Variants in KANK3 observed in about 807,000 individuals in gnomAD.
KANK3 encodes KN motif and ankyrin repeat domain-containing protein 3.
KANK3 carries 61 observed loss-of-function variants against 65.4 expected under a neutral mutation model. The ratio of observed to expected loss-of-function variants is 0.93; its 90% CI spans 0.76 to 1.15. The LOEUF (loss-of-function observed/expected upper bound fraction) is 1.15, where lower values mean the gene tolerates loss of function less well. Ranked by LOEUF, KANK3 falls within the 50% of genes most tolerant of loss-of-function variation. KANK3 has a pLI of 0.00. For synonymous variants in KANK3, 586 were observed against 543.3 expected (o/e 1.08, Z -1.09); for missense variants, 1,187 against 1,178.8 (o/e 1.01, Z -0.10).
intron 7 of KANK3, among the ~76,000 whole-genome samples, chr19:8,326,712 G>T (rs1298673801): frequency 1.3e-5 from 2 of 150,700 alleles, no homozygotes; most frequent in African/African-American, 4.9e-5. Flanking sequence ...CAGAAGAATG[G>T]CATGAACCCG....
In KANK3 at chr19:8,334,909, C is replaced by G. The variant is rs992111950; in HGVS notation, c.918G>C (p.Glu306Asp). 1.9e-5 allele frequency: 28 copies of G among 1,461,074 alleles called. 1 individual carries two copies. Among genetic ancestry groups the G allele is most frequent in the Admixed American group, 2.7e-5 (1 of 37,596 alleles). 90.5% of individuals were successfully genotyped at this position (1,461,074 alleles called of 1,614,324 possible). The change falls in exon 3 of 11, where the codon GAG (glutamate) becomes GAC (aspartate). Residue 306 changes from glutamate to aspartate, a missense_variant. Glu to Asp is a conservative substitution (Grantham distance 45). This residue lies in a region of KANK3 where 1,078 missense variants were observed against 1,038.2 expected (regional missense o/e 1.04). Coordinates refer to ENST00000330915, the MANE Select transcript of KANK3 (RefSeq NM_198471.3). ...CCGCTTCTCGGGTCTCGGGCACGGC[C>G]TCGGCGGCCACCTCCCGGGTCTGGG... Reference protein sequence around the residue: ...GTPQTREVAAEAVPETREAGA... With the variant: ...GTPQTREVAADAVPETREAGA...
intron 7 of KANK3, chr19:8,332,781 C>A: frequency 4.8e-6 from 1 of 208,596 alleles, no homozygotes; most frequent in East Asian, 1.0e-4. Flanking sequence ...CGCGCCACTG[C>A]ACTCCTGCCT....
intron 7 of KANK3, among the ~76,000 whole-genome samples, chr19:8,328,616 G>A (rs1392070635): frequency 6.6e-6 from 1 of 152,068 alleles, no homozygotes; most frequent in African/African-American, 2.4e-5. Flanking sequence ...GCAGTGAAAC[G>A]GAGAGGGAGC....
intron 2 of KANK3, 94 bp from the exon 3 acceptor site, chr19:8,335,886 C>G: frequency 2.4e-6 from 2 of 826,864 alleles, no homozygotes; most frequent in African/African-American, 3.5e-5. Flanking sequence ...CCCATGCCCA[C>G]GCTTCACACC....
At chr19:8,340,504 G>A (rs945544393) in intron 1 of KANK3, among the ~76,000 whole-genome samples, 1 of 151,896 alleles carries the variant, frequency 6.6e-6, no homozygotes, top group Admixed American at 6.6e-5. Flanking sequence ...CCCTTTACCT[G>A]TCCAGTCCTC....
In KANK3 at chr19:8,333,761, C is replaced by A; in HGVS notation, c.1682G>T (p.Arg561Leu). The A allele has an allele frequency of 5.4e-6, 8 of 1,490,372 alleles. No homozygotes were observed. The highest frequency in any genetic ancestry group is 5.1e-5 in the East Asian group (2 of 39,516). The allele number at this position is 1,490,372 out of a possible 1,614,324, so 92.3% of individuals were successfully genotyped here. Reference sequence around the variant, plus strand: ...TACTCCGCGGGGCCGGCTCAGCTGCCGCTGCAGCGCTACGCACGCCTCCCT... The same window carrying A: ...TACTCCGCGGGGCCGGCTCAGCTGCAGCTGCAGCGCTACGCACGCCTCCCT... ...RLREACVALQ[R>L]QLSRPRGVAS... Residue 561 changes from arginine to leucine, a missense_variant, in exon 6 of 11, where the codon CGG becomes CTG. Arg to Leu is a moderately radical substitution (Grantham distance 102). This residue lies in a region of KANK3 where 1,078 missense variants were observed against 1,038.2 expected (regional missense o/e 1.04). Coordinates refer to ENST00000330915, the MANE Select transcript of KANK3 (RefSeq NM_198471.3). This position sits in a 1 kb window ranked among gnomAD's most constrained non-coding sequence, Gnocchi z 5.0.
chr19:8,334,999 A>G lies in KANK3; in HGVS notation c.828T>C (p.Ala276=), dbSNP rs1478499214. ...GGAGCGCGCCCTCGCTGCGCCCTGC[A>G]GCCAGGCCGTCTGGGCTGTCAGCCC... The part of the protein sequence containing the change: ...SPRADSPDGL[A]AGRSEGALQV... Residue 276 remains alanine, a synonymous_variant, in exon 3 of 11, where the codon GCT becomes GCC. Coordinates refer to ENST00000330915, the MANE Select transcript of KANK3 (RefSeq NM_198471.3). 1.0e-5 allele frequency: 15 copies of G among 1,482,166 alleles called. No homozygotes were observed. Among genetic ancestry groups the G allele is most frequent in the Non-Finnish European group, 1.2e-5 (14 of 1,126,266 alleles). 91.8% of individuals were successfully genotyped at this position (1,482,166 alleles called of 1,614,324 possible).
Position 8,333,577 on chromosome 19 carries a change from T to C in KANK3, c.1719+147A>G. 1 of 680,606 alleles carries C rather than the reference T, an allele frequency of 1.5e-6. No individual in the cohort carries two copies. The allele number at this position is 680,606 out of a possible 1,614,324, so 42.2% of individuals were successfully genotyped here. ...AACCAAGGAAAGATCGGCGCTGTCCTGGGAAGGAGATCCCTTCGGAGAGCC... is the reference window on the plus strand; with the variant it reads ...AACCAAGGAAAGATCGGCGCTGTCCCGGGAAGGAGATCCCTTCGGAGAGCC... On this transcript the variant is annotated intron_variant, in intron 6 of 10. Coordinates refer to ENST00000330915, the MANE Select transcript of KANK3 (RefSeq NM_198471.3). This position sits in a 1 kb window ranked among gnomAD's most constrained non-coding sequence, Gnocchi z 5.0.
chr19:8,338,630 C>T (rs963235157), intron 1 of KANK3, among the ~76,000 whole-genome samples: 1 of 151,884 alleles, frequency 6.6e-6, no homozygotes, highest in African/African-American at 2.4e-5. Context: ...AATCCCAGCA[C>T]TTTGGGAGGC....
rs1970588847 is a variant in KANK3, at chr19:8,334,400, C to T, written c.1347G>A (p.Met449Ile). 6.2e-7 allele frequency: 1 copy of T among 1,614,052 alleles called. No individual in the cohort carries two copies. Among genetic ancestry groups the T allele is most frequent in the Non-Finnish European group, 8.5e-7 (1 of 1,180,020 alleles). ...CACCAGGTGTGCCGTCTCTCTTCTT[C>T]ATGATGGATTTGAGGATGCCTGGCG... ...VAPAGILKSI[M>I]KKRDGTPGAQ... is the part of the protein sequence containing the mutation. Residue 449 changes from methionine (M) to isoleucine (I), a missense_variant, in exon 4 of 11, where the codon ATG becomes ATA. Met to Ile is a conservative substitution (Grantham distance 10). Around this residue, in one of 3 missense-constraint regions of KANK3, gnomAD observed 1,078 missense variants for 1,038.2 expected, o/e 1.04. Coordinates refer to ENST00000330915, the MANE Select transcript of KANK3 (RefSeq NM_198471.3).
intron 1 of KANK3, among the ~76,000 whole-genome samples, chr19:8,338,726 G>T (rs900512689): frequency 1.3e-5 from 2 of 151,704 alleles, no homozygotes; most frequent in African/African-American, 2.4e-5. Context: ...ATATAAAAAA[G>T]TAGCCGGGCG....
At chr19:8,326,849 C>T (rs1970438839) in intron 7 of KANK3, among the ~76,000 whole-genome samples, 1 of 151,896 alleles carries the variant, frequency 6.6e-6, no homozygotes, top group South Asian at 2.1e-4. Context: ...AGTCTGGCCA[C>T]CTGTTGTTTG....
chr19:8,341,137 G>T (rs542406518), intron 1 of KANK3, among the ~76,000 whole-genome samples: 22 of 152,098 alleles, frequency 1.4e-4, no homozygotes, highest in African/African-American at 5.1e-4. Context: ...AGAAAGGAAT[G>T]GATCCCTCCA....
Position 8,328,163 on chromosome 19 carries a change from C to T in KANK3, c.1937-3067G>A, listed in dbSNP as rs150520508. On this transcript the variant is annotated intron_variant, in intron 7 of 10. Transcript: ENST00000330915. ...TGTGGTGGAGAACGCCTGTAATCCC[C>T]GCTACTTGGGAGACTGAGGAGGGAG... Among the ~76,000 whole-genome samples the T allele has an allele frequency of 2.7e-3, 404 of 151,936 alleles. 3 individuals carry two copies. The highest frequency in any genetic ancestry group is 9.4e-3 in the African/African-American group (390 of 41,452).
intron 10 of KANK3, among the ~76,000 whole-genome samples, chr19:8,324,181 G>A (rs904324040): frequency 6.6e-6 from 1 of 152,112 alleles, no homozygotes; most frequent in Non-Finnish European, 1.5e-5. Flanking sequence ...CCCAGCACTT[G>A]AGGATGCTGA....
In KANK3 at chr19:8,335,673, T is replaced by G; in HGVS notation, c.154A>C (p.Ile52Leu). 3 of 1,255,314 alleles carry G rather than the reference T, an allele frequency of 2.4e-6. No homozygotes were observed. The highest frequency in any genetic ancestry group is 1.0e-6 in the Non-Finnish European group (1 of 996,420). The allele number at this position is 1,255,314 out of a possible 1,614,324, so 77.8% of individuals were successfully genotyped here. A position where few individuals can be genotyped will look rare whatever the true frequency, so the allele number is the denominator to read the frequency against. The change falls in exon 3 of 11, where the codon ATA (isoleucine) becomes CTA (leucine). Residue 52 changes from isoleucine to leucine, a missense_variant. Physicochemically the swap from Ile to Leu is conservative, Grantham distance 5. Transcript: ENST00000330915. ...FHLDLDFLKY[I>L]EELERGPAAR... ...GCGGGGCCACGCTCCAGCTCCTCTA[T>G]GTACTTGAGGAAGTCCAGGTCCAGG...
intron 10 of KANK3, among the ~76,000 whole-genome samples, chr19:8,323,998 A>C (rs1599638482): frequency 6.6e-6 from 1 of 152,326 alleles, no homozygotes; most frequent in South Asian, 2.1e-4. Context: ...AGTAGGTAAC[A>C]GGAGCCCAGG....
chr19:8,324,860 C>G (rs766105962), intron 8 of KANK3, 30 bp from the exon 9 acceptor site: 7 of 1,603,166 alleles, frequency 4.4e-6, no homozygotes, highest in Admixed American at 1.7e-5. Flanking sequence ...AGGGAACAGG[C>G]TGGGGTAGGC....
chr19:8,330,187 T>C (rs1455255200), intron 7 of KANK3, among the ~76,000 whole-genome samples: 1 of 151,866 alleles, frequency 6.6e-6, no homozygotes, highest in Non-Finnish European at 1.5e-5. Flanking sequence ...TTCCAGGGGA[T>C]GAAAGAGGAA....
Sources: gnomAD v4.1 joint callset for allele counts (sites outside exome capture counted in the v4.1 genomes callset) on GRCh38, gnomAD v4.1.1 for gene constraint, gnomAD v4.1.1 regional missense constraint, Gnocchi (gnomAD v3.1) non-coding constraint, MANE v1.5 for transcripts, NCBI Gene and HGNC (gene_info 2026-07-23, HGNC 2026-07-21) for gene names.